The following PZP variants were observed in gnomAD, a reference collection of about 807,000 sequenced individuals.
PZP encodes PZP alpha-2-macroglobulin like, also known as pregnancy zone protein.
A neutral mutation model predicts 179.8 loss-of-function variants in PZP; 150 were observed. That is an observed-to-expected ratio of 0.83 (90% confidence interval 0.73 to 0.96). The LOEUF (loss-of-function observed/expected upper bound fraction) is 0.96. Among genes scored for constraint, PZP ranks in the 40% least tolerant of loss-of-function variants. The pLI is 0.00. For missense variants in PZP, 1,689 were observed against 1,764.0 expected (o/e 0.96, Z 0.76); for synonymous variants, 624 against 652.3 (o/e 0.96, Z 0.66).
At chr12:9,185,814 C>CTTTTCTTTTCTTTTCTTTTCT (rs892496380) in intron 13 of PZP, among the ~76,000 whole-genome samples, 14 of 147,284 alleles carry the variant, frequency 9.5e-5, no homozygotes, top group African/African-American at 2.2e-4. Context: ...CTTTTCTTTT[C>CTTTTCTTTTCTTTTCTTTTCT]TTTTTTTTTT....
chr12:9,144,915 C>T (rs894433494), downstream of PZP, among the ~76,000 whole-genome samples: 6 of 152,162 alleles, frequency 3.9e-5, no homozygotes, highest in African/African-American at 1.4e-4. Context: ...GGCCAATGCC[C>T]TTTGGGGCAG....
rs1565675398 is a variant in PZP, at chr12:9,208,307, A to G, written c.35T>C (p.Val12Ala). Residue 12 changes from valine to alanine, a missense_variant, in exon 1 of 36, where the codon GTG (valine) becomes GCG (alanine). Physicochemically the swap from Val to Ala is moderately conservative, Grantham distance 64. Coordinates refer to ENST00000261336, the MANE Select transcript of PZP (RefSeq NM_002864.3). The stretch of plus-strand genomic sequence containing the variant: ...GGCAGAAAGCAGGATAAGAAGTAGC[A>G]CAAGACATAAATGAAGAAGTCTGTC... ...RKDRLLHLCL[V>A]LLLILLSASD... The G allele has an allele frequency of 1.2e-6, 2 of 1,613,786 alleles. No homozygotes were observed. The highest frequency in any genetic ancestry group is 1.7e-6 in the Non-Finnish European group (2 of 1,179,716).
intron 13 of PZP, among the ~76,000 whole-genome samples, chr12:9,190,906 A>G (rs1473908571): frequency 6.6e-6 from 1 of 152,166 alleles, no homozygotes; most frequent in African/African-American, 2.4e-5. Context: ...TGTGAATAAA[A>G]TTTGTTCTTT....
chr12:9,152,942 T>C lies in PZP; in HGVS notation c.4003A>G (p.Lys1335Glu), dbSNP rs779765329. Reference protein sequence around the residue: ...ERCVYLQTSMKYNILPEKEDS... With the variant: ...ERCVYLQTSMEYNILPEKEDS... ...TCTTTCTCTGGAAGAATATTGTATT[T>C]CATGGATGTCTGTGAAACAGCAAAG... is the stretch of plus-strand genomic sequence containing the variant. Residue 1335 changes from lysine (K) to glutamate (E), a missense_variant, in exon 31 of 36, where the codon AAA (lysine) becomes GAA (glutamate). Physicochemically the swap from Lys to Glu is moderately conservative, Grantham distance 56. Around this residue, in one of 3 missense-constraint regions of PZP, gnomAD observed 746 missense variants for 749.2 expected, o/e 1.00. Transcript: ENST00000261336. 5.6e-6 allele frequency: 9 copies of C among 1,614,180 alleles called. No individual in the cohort carries two copies. Among genetic ancestry groups the C allele is most frequent in the Non-Finnish European group, 7.6e-6 (9 of 1,180,026 alleles).
Position 9,203,952 on chromosome 12 carries a change from C to T in PZP, c.84-1G>A. 1 of 1,605,114 alleles carries T rather than the reference C, an allele frequency of 6.2e-7. No individual in the cohort carries two copies. The highest frequency in any genetic ancestry group is 8.5e-7 in the Non-Finnish European group (1 of 1,176,162). The stretch of plus-strand genomic sequence containing the variant: ...GGAGGGGACCAGCACCATATACTGC[C>T]TGGGAAAGGAAGAAGTCTAAATTAG... On this transcript the variant is annotated splice_acceptor_variant, in intron 1 of 35. Transcript: ENST00000261336. LOFTEE classifies it high-confidence loss of function.
chr12:9,193,945 C>T, intron 11 of PZP, 132 bp downstream of exon 11: 1 of 893,656 alleles, frequency 1.1e-6, no homozygotes. Context: ...TTCTATTATC[C>T]TCAAATTTGT....
chr12:9,207,426 A>G (rs1315581689), intron 1 of PZP, among the ~76,000 whole-genome samples: 1 of 152,218 alleles, frequency 6.6e-6, no homozygotes, highest in East Asian at 1.9e-4. Flanking sequence ...CTGGACTGCA[A>G]AGGGGCAAGG....
intron 17 of PZP, chr12:9,166,838 C>T (rs1941620376): frequency 6.6e-6 from 1 of 152,182 alleles, no homozygotes; most frequent in Admixed American, 6.5e-5. Context: ...CATTTACCAA[C>T]GTGAGAGGGT....
Position 9,196,813 on chromosome 12 carries a change from A to T in PZP, c.868-128T>A. The T allele has an allele frequency of 4.9e-6, 4 of 816,112 alleles. No homozygotes were observed. In the South Asian group the frequency reaches 6.4e-5, roughly 13 times the overall value. 50.6% of individuals were successfully genotyped at this position (816,112 alleles called of 1,614,324 possible). On this transcript the variant is annotated intron_variant, in intron 8 of 35. Transcript: ENST00000261336. ...TAAGTAAGTTAATTGACCTTCGAGA[A>T]CTTAATACTCATATCTGCTTTGTAA...
Position 9,159,936 on chromosome 12 carries a change from A to T in PZP, c.3137+2T>A. 6.2e-7 allele frequency: 1 copy of T among 1,607,210 alleles called. No homozygotes were observed. Among genetic ancestry groups the T allele is most frequent in the Non-Finnish European group, 8.5e-7 (1 of 1,173,820 alleles). ...AAACTCAGAATAGATTTTCTTTCTT[A>T]CCAAGTGTTGCCCTGGTTCCTGCCA... On this transcript the variant is annotated splice_donor_variant, in intron 25 of 35. Transcript: ENST00000261336. LOFTEE classifies it high-confidence loss of function.
rs1327410112 is a variant in PZP at position 9,165,351 on chromosome 12, C to T, written c.2275G>A (p.Glu759Lys). 2 of 1,613,974 alleles carry T rather than the reference C, an allele frequency of 1.2e-6. No individual in the cohort carries two copies. The highest frequency in any genetic ancestry group is 2.2e-5 in the East Asian group (1 of 44,898). ...LVAVNSSGVAEVGVTVPDTIT... is the reference protein window; with the variant it reads ...LVAVNSSGVAKVGVTVPDTIT... ...GTGTCAGGGACTGTTACTCCTACCT[C>T]AGCCACACCTGATGAGCTGGGGAGG... Residue 759 changes from glutamate (E) to lysine (K), a missense_variant, in exon 19 of 36, where the codon GAG (glutamate) becomes AAG (lysine). By Grantham distance (56) the Glu-to-Lys change is moderately conservative. Transcript: ENST00000261336.
intron 15 of PZP, among the ~76,000 whole-genome samples, chr12:9,175,104 A>G (rs2120886305): frequency 6.6e-6 from 1 of 152,334 alleles, no homozygotes; most frequent in African/African-American, 2.4e-5. Context: ...GTACTGATAA[A>G]GAACAGACAC....
In PZP at chr12:9,166,262, T is replaced by C. The variant is rs1354067020; in HGVS notation, c.2108-60A>G. On this transcript the variant is annotated intron_variant, in intron 17 of 35. Transcript: ENST00000261336. ...ACATTCATTAATTTCATGGTGCACA[T>C]GTGAGACGTTAGAGAACAAAATTTT... The C allele has an allele frequency of 2.6e-6, 4 of 1,537,926 alleles. No individual in the cohort carries two copies. The Admixed American group carries it at 7.9e-5, about 30-fold the overall frequency.
At chr12:9,180,828 C>T (rs776836504) in intron 15 of PZP, among the ~76,000 whole-genome samples, 155 bp downstream of exon 15, 100 of 152,306 alleles carry the variant, frequency 6.6e-4, no homozygotes, top group South Asian at 5.2e-3. Flanking sequence ...AGAGCTTCTG[C>T]ACAGCAAAAG....
At chr12:9,188,044 T>C (rs1943235461) in intron 13 of PZP, among the ~76,000 whole-genome samples, 1 of 152,238 alleles carries the variant, frequency 6.6e-6, no homozygotes, top group African/African-American at 2.4e-5. Flanking sequence ...CCAAACGTCC[T>C]TGATGAACAT....
In PZP at chr12:9,202,363, G is replaced by A. The variant is rs771485415; in HGVS notation, c.436C>T (p.Arg146Cys). ...MYKPGQTVRF[R>C]VVSVDENFRP... ...AAATTTTCATCCACGGAGACAACAC[G>A]GAATCTTACTGGAAAAGTAGTTCTC... The change falls in exon 4 of 36, where the codon CGT (arginine) becomes TGT (cysteine). Residue 146 changes from arginine to cysteine, a missense_variant. Arg to Cys is a radical substitution (Grantham distance 180). This residue lies in a region of PZP where 742 missense variants were observed against 730.5 expected (regional missense o/e 1.02). Coordinates refer to ENST00000261336, the MANE Select transcript of PZP (RefSeq NM_002864.3). 73 of 1,613,942 alleles carry A rather than the reference G, an allele frequency of 4.5e-5. No homozygotes were observed. The South Asian group carries it at 6.7e-4, about 15-fold the overall frequency.
chr12:9,198,864 A>G (rs1284143470), intron 7 of PZP, among the ~76,000 whole-genome samples: 2 of 152,202 alleles, frequency 1.3e-5, no homozygotes, highest in Admixed American at 1.3e-4. Context: ...CATTGCTCTG[A>G]GGCTGAAATG....
intron 17 of PZP, among the ~76,000 whole-genome samples, chr12:9,166,568 C>T (rs757565592): frequency 3.3e-5 from 5 of 152,240 alleles, no homozygotes; most frequent in African/African-American, 1.2e-4. Flanking sequence ...GCTCTTTAGA[C>T]ATTGAGAGTG....
At chr12:9,148,469 T>G (rs1384182403), downstream of PZP, among the ~76,000 whole-genome samples, 1 of 152,180 alleles carries the variant, frequency 6.6e-6, no homozygotes, top group African/African-American at 2.4e-5. Flanking sequence ...TCTTTATTTT[T>G]TTAATCCATA....
Sources: allele counts gnomAD v4.1 joint callset (sites outside exome capture counted in the v4.1 genomes callset), GRCh38; gene constraint gnomAD v4.1.1; regional missense constraint gnomAD v4.1.1; transcripts MANE v1.5; gene names NCBI Gene and HGNC (gene_info 2026-07-23, HGNC 2026-07-21).